The following SIRT2 variants were observed in gnomAD, a reference collection of about 807,000 sequenced individuals.
SIRT2 encodes NAD-dependent protein deacetylase sirtuin-2.
A neutral mutation model predicts 57.4 loss-of-function variants in SIRT2; 40 were observed. That is an observed-to-expected ratio of 0.70 (90% CI 0.54 to 0.91). The LOEUF (loss-of-function observed/expected upper bound fraction) is 0.91, where lower values mean the gene tolerates loss of function less well. SIRT2 is among the 40% of genes least tolerant of loss of function. SIRT2 has a pLI of 0.00. For missense variants in SIRT2, 439 were observed against 510.4 expected, an observed-to-expected ratio of 0.86 and a Z score of 1.35; for synonymous variants, 161 against 195.7, an observed-to-expected ratio of 0.82 and a Z score of 1.48.
intron 2 of SIRT2, chr19:38,894,834 C>T (rs1054938130): frequency 2.2e-6 from 1 of 456,104 alleles, no homozygotes; most frequent in African/African-American, 2.0e-5. Context: ...CTGGGGTTAC[C>T]TGTCTCATCC....
intron 8 of SIRT2, among the ~76,000 whole-genome samples, chr19:38,887,505 G>C (rs945040723): frequency 1.3e-5 from 2 of 151,670 alleles, no homozygotes; most frequent in Non-Finnish European, 2.9e-5. Context: ...GGGCTCAAGC[G>C]ATCTCCCACT....
chr19:38,893,924 G>A (rs760335318), intron 2 of SIRT2, 57 bp from the exon 3 acceptor site: 1 of 1,610,514 alleles, frequency 6.2e-7, no homozygotes, highest in Non-Finnish European at 8.5e-7. Flanking sequence ...GGAGGGAGGA[G>A]AGGGGGTGAT....
rs199594239 is a variant in SIRT2 at position 38,893,420 on chromosome 19, C to T, written c.220G>A (p.Glu74Lys). The change falls in exon 4 of 16, where the codon GAA becomes AAA. Residue 74 changes from glutamate (E) to lysine (K), a missense_variant. Coordinates refer to ENST00000249396, the MANE Select transcript of SIRT2 (RefSeq NM_012237.4). Reference sequence around the variant, plus strand: ...ATCCTGACAGGGGACTCACAGCGTTCGCTCTGCATGTACCGGGCCACCCCT... The same window carrying T: ...ATCCTGACAGGGGACTCACAGCGTTTGCTCTGCATGTACCGGGCCACCCCT... ...LEGVARYMQSERCRRVICLVG... is the reference protein window; with the variant it reads ...LEGVARYMQSKRCRRVICLVG... The T allele has an allele frequency of 2.0e-4, 320 of 1,610,050 alleles. No individual in the cohort carries two copies. Among genetic ancestry groups the T allele is most frequent in the Admixed American group, 5.3e-4 (32 of 59,996 alleles).
At chr19:38,889,272 G>A in intron 7 of SIRT2, 117 bp from the exon 8 acceptor site, 1 of 913,258 alleles carries the variant, frequency 1.1e-6, no homozygotes, top group South Asian at 1.4e-5. Flanking sequence ...AACCGTCACA[G>A]CAGCCGCGTC....
intron 8 of SIRT2, among the ~76,000 whole-genome samples, chr19:38,885,886 G>C (rs1051265653): frequency 5.9e-5 from 9 of 152,146 alleles, no homozygotes; most frequent in Admixed American, 3.9e-4. Context: ...ACTGCGCCCG[G>C]CCACTGTTTT....
intron 8 of SIRT2, among the ~76,000 whole-genome samples, chr19:38,886,448 C>A (rs1973340902): frequency 6.8e-6 from 1 of 147,396 alleles, no homozygotes. Context: ...TCTTTGACAA[C>A]ATGGTTTTTT....
chr19:38,893,569 G>T, intron 3 of SIRT2, 42 bp from the exon 4 acceptor site: 1 of 1,439,626 alleles, frequency 6.9e-7, no homozygotes, highest in Non-Finnish European at 9.7e-7. Context: ...CGGGCATTCA[G>T]CCAGGGGCAT....
chr19:38,896,176 A>ATAC (rs1313627414), intron 2 of SIRT2, among the ~76,000 whole-genome samples: 1 of 152,222 alleles, frequency 6.6e-6, no homozygotes, highest in Admixed American at 6.5e-5. Flanking sequence ...ATACTCATGT[A>ATAC]TACTTCAACA....
chr19:38,888,596 T>C (rs1476683141), intron 8 of SIRT2, among the ~76,000 whole-genome samples: 1 of 152,234 alleles, frequency 6.6e-6, no homozygotes. Context: ...GTACGAGACA[T>C]GTTTATAATT....
chr19:38,891,905 G>A (rs1973550647), intron 4 of SIRT2: 1 of 469,644 alleles, frequency 2.1e-6, no homozygotes, highest in African/African-American at 2.0e-5. Context: ...CTGCTCGCCT[G>A]CCGCAGGAGA....
chr19:38,883,869 G>A (rs1360879508), intron 8 of SIRT2, 113 bp from the exon 9 acceptor site: 43 of 1,119,776 alleles, frequency 3.8e-5, no homozygotes, highest in Non-Finnish European at 5.5e-5. Context: ...GGGGACAGGT[G>A]GAGAAGGGAG....
At chr19:38,891,105 G>A (rs1319519662) in intron 4 of SIRT2, among the ~76,000 whole-genome samples, 8 of 152,362 alleles carry the variant, frequency 5.3e-5, no homozygotes, top group Admixed American at 1.3e-4. Context: ...ACACTGAGTC[G>A]TGACCTTTTT....
intron 2 of SIRT2, among the ~76,000 whole-genome samples, chr19:38,897,949 G>C (rs893171554): frequency 6.6e-6 from 1 of 152,046 alleles, no homozygotes; most frequent in Admixed American, 6.6e-5. Flanking sequence ...AGCGATCCTC[G>C]CGCCTCAGTC....
chr19:38,889,226 A>G, intron 7 of SIRT2, 71 bp from the exon 8 acceptor site: 3 of 1,417,330 alleles, frequency 2.1e-6, no homozygotes. Flanking sequence ...CATGCCAGGA[A>G]CTGTTCTAGG....
Position 38,879,212 on chromosome 19 carries a change from C to A in SIRT2, c.1113G>T (p.Lys371Asn). ...PNPSTSASPKKSPPPAKDEAR... is the reference protein window; with the variant it reads ...PNPSTSASPKNSPPPAKDEAR... ...CCTCGTCCTTGGCAGGTGGCGGGGACTTCTTGGGGGAAGCTGAAGTGCTGG... is the reference window on the plus strand; with the variant it reads ...CCTCGTCCTTGGCAGGTGGCGGGGAATTCTTGGGGGAAGCTGAAGTGCTGG... Residue 371 changes from lysine to asparagine, a missense_variant, in exon 16 of 16, where the codon AAG becomes AAT. Coordinates refer to ENST00000249396, the MANE Select transcript of SIRT2 (RefSeq NM_012237.4). 1 of 1,592,242 alleles carries A rather than the reference C, an allele frequency of 6.3e-7. No individual in the cohort carries two copies. Among genetic ancestry groups the A allele is most frequent in the Non-Finnish European group, 8.5e-7 (1 of 1,174,206 alleles).
rs200307334 is a variant in SIRT2, at chr19:38,889,886, G to A, written c.344C>T (p.Pro115Leu). 9.9e-6 allele frequency: 16 copies of A among 1,614,000 alleles called. No homozygotes were observed. Among genetic ancestry groups the A allele is most frequent in the Non-Finnish European group, 1.4e-5 (16 of 1,179,984 alleles). The change falls in exon 6 of 16, where the codon CCA becomes CTA. Residue 115 changes from proline to leucine, a missense_variant. Coordinates refer to ENST00000249396, the MANE Select transcript of SIRT2 (RefSeq NM_012237.4). Reference protein sequence around the residue: ...DNLEKYHLPYPEAIFEISYFK... With the variant: ...DNLEKYHLPYLEAIFEISYFK... Reference sequence around the variant, plus strand: ...ATAGCTGATCTCAAAGATGGCCTCTGGGTAGGGAAGATGGTACTTCTCTAG... The same window carrying A: ...ATAGCTGATCTCAAAGATGGCCTCTAGGTAGGGAAGATGGTACTTCTCTAG...
At position 38,889,051 on chromosome 19, in the gene SIRT2, G is replaced by A. The variant is rs773460867; in HGVS notation, c.501+36C>T. ...TGAGGACACCATGCCCGTTCCACCC[G>A]CCCATCCTCCTCCCAGGATGCTCGC... is the stretch of plus-strand genomic sequence containing the variant. On this transcript the variant is annotated intron_variant, in intron 8 of 15. Transcript: ENST00000249396. The A allele has an allele frequency of 4.6e-5, 73 of 1,595,152 alleles. No individual in the cohort carries two copies. In the East Asian group the frequency reaches 6.9e-4, roughly 15 times the overall value.
Position 38,880,958 on chromosome 19 carries a change from C to G in SIRT2, c.748-61G>C, listed in dbSNP as rs1244864828. On this transcript the variant is annotated intron_variant, in intron 11 of 15. Coordinates refer to ENST00000249396, the MANE Select transcript of SIRT2 (RefSeq NM_012237.4). The surrounding 1 kb of genome is among the most constrained non-coding windows in gnomAD (Gnocchi z 4.1). ...CAGGCTGCGCCACCGCTCCCTCCCCCGCCCCCAGCAGCAAACCTCCCTGCC... is the reference window on the plus strand; with the variant it reads ...CAGGCTGCGCCACCGCTCCCTCCCCGGCCCCCAGCAGCAAACCTCCCTGCC... 17 of 1,573,168 alleles carry G rather than the reference C, an allele frequency of 1.1e-5. No individual in the cohort carries two copies. The highest frequency in any genetic ancestry group is 2.1e-4 in the Middle Eastern group (1 of 4,730).
chr19:38,889,969 AGG>A lies in SIRT2; in HGVS notation c.269-10_269-9del. The stretch of plus-strand genomic sequence containing the variant: ...AGTCGGGGATGCCTGCGGCTAGGAA[AGG>A]GGGGTCAGGGAGCAGTTGGTCTATA... On this transcript the variant is annotated splice_polypyrimidine_tract_variant and intron_variant, in intron 5 of 15. Coordinates refer to ENST00000249396, the MANE Select transcript of SIRT2 (RefSeq NM_012237.4). 6.2e-7 allele frequency: 1 copy of A among 1,613,554 alleles called. No homozygotes were observed. Among genetic ancestry groups the A allele is most frequent in the Non-Finnish European group, 8.5e-7 (1 of 1,179,468 alleles).
Sources: allele counts gnomAD v4.1 joint callset (sites outside exome capture counted in the v4.1 genomes callset), GRCh38; gene constraint gnomAD v4.1.1; non-coding constraint Gnocchi (gnomAD v3.1); transcripts MANE v1.5; gene names NCBI Gene and HGNC (gene_info 2026-07-23, HGNC 2026-07-21).